ELAPOR1: variants seen among roughly 807,000 people sequenced by gnomAD.
ELAPOR1 encodes endosome/lysosome-associated apoptosis and autophagy regulator 1.
In ELAPOR1, 77 loss-of-function variants were observed where a neutral mutation model predicts 119.7. That is an observed-to-expected ratio of 0.64 (90% CI 0.54 to 0.78). ELAPOR1 has a LOEUF of 0.78. ELAPOR1 is among the 30% of genes least tolerant of loss of function. ELAPOR1 has a pLI of 0.00. For synonymous variants in ELAPOR1, 481 were observed against 487.2 expected, an observed-to-expected ratio of 0.99 and a Z score of 0.17; for missense variants, 1,115 against 1,270.4, an observed-to-expected ratio of 0.88 and a Z score of 1.86.
chr1:109,192,729 C>T lies in ELAPOR1; in HGVS notation c.1802C>T (p.Ser601Phe), dbSNP rs751874761. The change falls in exon 14 of 22, where the codon TCC becomes TTC. Residue 601 changes from serine (S) to phenylalanine (F), a missense_variant. Ser to Phe is a radical substitution (Grantham distance 155). Coordinates refer to ENST00000369939, the MANE Select transcript of ELAPOR1 (RefSeq NM_020775.5). ...CALEASDVGS[S>F]CTSCPAGYYI... The stretch of plus-strand genomic sequence containing the variant: ...CTAGAAGCCTCTGATGTGGGCTCCT[C>T]CTGCACCTCTTGTCCTGCTGGTTAC... 7 of 1,614,122 alleles carry T rather than the reference C, an allele frequency of 4.3e-6. No homozygotes were observed. The highest frequency in any genetic ancestry group is 5.9e-6 in the Non-Finnish European group (7 of 1,180,032).
Position 109,162,023 on chromosome 1 carries a change from C to A in ELAPOR1, c.274+9C>A, listed in dbSNP as rs371891497. 1 of 1,603,584 alleles carries A rather than the reference C, an allele frequency of 6.2e-7. No homozygotes were observed. The highest frequency in any genetic ancestry group is 8.5e-7 in the Non-Finnish European group (1 of 1,171,766). On this transcript the variant is annotated intron_variant, in intron 2 of 21. Transcript: ENST00000369939. ...CAAGGGCACCGAGTGCTGTAAGCAGCTATCCTGCTCAGGGCCTCCCTGTCA... is the reference window on the plus strand; with the variant it reads ...CAAGGGCACCGAGTGCTGTAAGCAGATATCCTGCTCAGGGCCTCCCTGTCA...
chr1:109,198,894 A>C (rs10858081), intron 18 of ELAPOR1, among the ~76,000 whole-genome samples: 130,114 of 152,296 alleles, frequency 0.85, 56,201 homozygotes, highest in East Asian at 0.97. Context: ...TGGTCCATTA[A>C]GGCAGCAGCT....
chr1:109,197,267 A>G (rs1653864815), intron 15 of ELAPOR1, among the ~76,000 whole-genome samples: 1 of 152,216 alleles, frequency 6.6e-6, no homozygotes, highest in Non-Finnish European at 1.5e-5. Context: ...AGCCCGGGCA[A>G]TAGATCAAGA....
intron 1 of ELAPOR1, among the ~76,000 whole-genome samples, chr1:109,136,006 CT>C (rs548222634): frequency 1.3e-5 from 2 of 151,646 alleles, no homozygotes; most frequent in Non-Finnish European, 2.9e-5. Flanking sequence ...TTCTTTTTTT[CT>C]TTTTTTTGGT....
chr1:109,145,443 A>C (rs1193079235), intron 1 of ELAPOR1, among the ~76,000 whole-genome samples: 2 of 152,100 alleles, frequency 1.3e-5, no homozygotes, highest in East Asian at 3.9e-4. Flanking sequence ...ATCACCTGAG[A>C]TCAGGTGTTT....
intron 18 of ELAPOR1, 47 bp from the exon 19 acceptor site, chr1:109,199,807 C>T (rs953219781): frequency 1.4e-5 from 22 of 1,599,102 alleles, no homozygotes; most frequent in South Asian, 6.6e-5. Flanking sequence ...AGATCTTCCC[C>T]ACCCCTCCAG....
chr1:109,144,061 A>ATATTTTTTTTTTTTTTTTTTTTTTTT lies in ELAPOR1; in HGVS notation c.154-17832_154-17831insATTTTTTTTTTTTTTTTTTTTTTTTT. On this transcript the variant is annotated intron_variant, in intron 1 of 21. Coordinates refer to ENST00000369939, the MANE Select transcript of ELAPOR1 (RefSeq NM_020775.5). ...TATATATATATATATATATTTATATATTTTTTTTTTTTTTTGAGATGGAGT... is the reference window on the plus strand; with the variant it reads ...TATATATATATATATATATTTATATATATTTTTTTTTTTTTTTTTTTTTTTTTTTTTTTTTTTTTTTGAGATGGAGT... Among the ~76,000 whole-genome samples, 3 of 88,992 alleles carry ATATTTTTTTTTTTTTTTTTTTTTTTT rather than the reference A, an allele frequency of 3.4e-5. 1 individual carries two copies. The highest frequency in any genetic ancestry group is 9.6e-5 in the African/African-American group (2 of 20,744). The allele number at this position is 88,992 out of a possible 152,430, so 58.4% of individuals were successfully genotyped here.
chr1:109,157,387 G>A (rs1282781167), intron 1 of ELAPOR1, among the ~76,000 whole-genome samples: 3 of 152,182 alleles, frequency 2.0e-5, no homozygotes, highest in African/African-American at 7.2e-5. Context: ...AACCTACTGT[G>A]TGATGTGCTT....
chr1:109,161,822 G>A (rs1651278812), intron 1 of ELAPOR1, 72 bp from the exon 2 acceptor site: 1 of 1,548,476 alleles, frequency 6.5e-7, no homozygotes, highest in Non-Finnish European at 8.8e-7. Flanking sequence ...ATGGTGCTGG[G>A]AAGTGGGTGG....
At chr1:109,196,652 GA>G (rs60138593) in intron 15 of ELAPOR1, among the ~76,000 whole-genome samples, 96,535 of 139,468 alleles carry the variant, frequency 0.69, 34,606 homozygotes, top group East Asian at 0.96. Context: ...CTACAATCTA[GA>G]AAAAAAAAAA....
Position 109,191,798 on chromosome 1 carries a change from A to G in ELAPOR1, c.1618A>G (p.Ile540Val), listed in dbSNP as rs2101114599. The G allele has an allele frequency of 6.2e-7, 1 of 1,614,180 alleles. No individual in the cohort carries two copies. The highest frequency in any genetic ancestry group is 2.2e-5 in the East Asian group (1 of 44,886). ...CAAAGGCAAACAGTCCTATACCTAC[A>G]TCATTGAGGAGAACACTACCACGAG... Reference protein sequence around the residue: ...GSKGKQSYTYIIEENTTTSFT... With the variant: ...GSKGKQSYTYVIEENTTTSFT... Residue 540 changes from isoleucine (I) to valine (V), a missense_variant, in exon 13 of 22, where the codon ATC becomes GTC. Physicochemically the swap from Ile to Val is conservative, Grantham distance 29. Transcript: ENST00000369939.
chr1:109,189,995 TG>T (rs1436194975), intron 11 of ELAPOR1, among the ~76,000 whole-genome samples: 2 of 152,116 alleles, frequency 1.3e-5, no homozygotes, highest in Admixed American at 6.5e-5. Flanking sequence ...TAAAAAATAA[TG>T]GGGTCAGAAA....
chr1:109,114,542 C>T (rs1024816014), intron 1 of ELAPOR1, among the ~76,000 whole-genome samples: 2 of 152,090 alleles, frequency 1.3e-5, no homozygotes, highest in Admixed American at 1.3e-4. Flanking sequence ...ATCATCCTCA[C>T]AGATTGGGAT....
chr1:109,197,687 G>C (rs775404800), intron 16 of ELAPOR1, 33 bp downstream of exon 16: 29 of 1,582,312 alleles, frequency 1.8e-5, no homozygotes, highest in Admixed American at 1.2e-4. Context: ...CCTTGTTTGA[G>C]AGTGTGTGTG....
At chr1:109,200,340 C>T (rs1429614783) in intron 20 of ELAPOR1, 103 bp downstream of exon 20, 15 of 1,370,708 alleles carry the variant, frequency 1.1e-5, no homozygotes, top group Non-Finnish European at 1.5e-5. Context: ...CTGGAGTTGG[C>T]TACAGACTCT....
At chr1:109,136,611 G>C (rs1390019129) in intron 1 of ELAPOR1, among the ~76,000 whole-genome samples, 1 of 152,204 alleles carries the variant, frequency 6.6e-6, no homozygotes, top group East Asian at 1.9e-4. Context: ...TTGAGGAGAG[G>C]TGAAGGAGGA....
At chr1:109,190,121 T>C (rs997782645) in intron 11 of ELAPOR1, among the ~76,000 whole-genome samples, 2 of 151,876 alleles carry the variant, frequency 1.3e-5, no homozygotes, top group African/African-American at 2.4e-5. Flanking sequence ...TGTTTCCCAC[T>C]AAACAAACAA....
At chr1:109,144,052 TATTTATATA>T (rs1650003771) in intron 1 of ELAPOR1, among the ~76,000 whole-genome samples, 1 of 45,996 alleles carries the variant, frequency 2.2e-5, no homozygotes. Flanking sequence ...TATATATATA[TATTTATATA>T]TTTTTTTTTT....
intron 2 of ELAPOR1, 84 bp downstream of exon 2, chr1:109,162,098 T>G: frequency 3.5e-6 from 5 of 1,441,344 alleles, no homozygotes; most frequent in Non-Finnish European, 4.8e-6. Context: ...TCTGGGCCCT[T>G]CCTGGCAGAG....
Sources: allele counts gnomAD v4.1 joint callset (sites outside exome capture counted in the v4.1 genomes callset), GRCh38; gene constraint gnomAD v4.1.1; transcripts MANE v1.5; gene names NCBI Gene and HGNC (gene_info 2026-07-23, HGNC 2026-07-21).